Variants in DEUP1 observed in about 807,000 individuals in gnomAD.
The protein encoded by DEUP1 is coiled-coil domain containing 67.
DEUP1 carries 82 observed loss-of-function variants against 87.4 expected under a neutral mutation model. That is an observed-to-expected ratio of 0.94 (90% CI 0.78 to 1.13). The LOEUF (loss-of-function observed/expected upper bound fraction) is 1.13. DEUP1 is among the 50% of genes most tolerant of loss of function. The pLI is 0.00. For synonymous variants in DEUP1, 214 were observed against 222.7 expected (o/e 0.96, Z 0.35); for missense variants, 663 against 681.5 (o/e 0.97, Z 0.30).
chr11:93,434,756 G>C (rs1389968814), intron 13 of DEUP1, among the ~76,000 whole-genome samples: 4 of 152,210 alleles, frequency 2.6e-5, no homozygotes, highest in African/African-American at 7.2e-5. Flanking sequence ...AAGTGATAGA[G>C]AGTGAAGCCA....
chr11:93,399,776 T>C (rs908225687), intron 11 of DEUP1, among the ~76,000 whole-genome samples: 2 of 151,876 alleles, frequency 1.3e-5, no homozygotes, highest in Non-Finnish European at 2.9e-5. Flanking sequence ...TCAACAAAAA[T>C]AGATAGTCTT....
chr11:93,414,622 T>C (rs1947549455), intron 12 of DEUP1, among the ~76,000 whole-genome samples: 1 of 152,238 alleles, frequency 6.6e-6, no homozygotes, highest in East Asian at 1.9e-4. Context: ...AAAAAGAGTA[T>C]CTATTTAGAA....
At chr11:93,394,723 A>G in intron 10 of DEUP1, 67 bp downstream of exon 10, 7 of 1,002,764 alleles carry the variant, frequency 7.0e-6, no homozygotes, top group Non-Finnish European at 1.0e-5. Flanking sequence ...AGTAGCCTTC[A>G]TTATTGACTA....
At chr11:93,347,894 C>T (rs1312926172) in intron 2 of DEUP1, among the ~76,000 whole-genome samples, 1 of 152,076 alleles carries the variant, frequency 6.6e-6, no homozygotes, top group African/African-American at 2.4e-5. Context: ...CGCGTGCCAC[C>T]ACGCCTGGCT....
intron 6 of DEUP1, among the ~76,000 whole-genome samples, chr11:93,370,575 T>A (rs1298539856): frequency 6.6e-6 from 1 of 152,214 alleles, no homozygotes. Flanking sequence ...TCATAAACTT[T>A]GCCCATTTTT....
rs187302756 is a variant in DEUP1 at position 93,374,808 on chromosome 11, G to A, written c.789+3528G>A. Among the ~76,000 whole-genome samples, 137 of 152,124 alleles carry A rather than the reference G, an allele frequency of 9.0e-4. 1 individual carries two copies. Among genetic ancestry groups the A allele is most frequent in the Admixed American group, 2.0e-3 (30 of 15,286 alleles). On this transcript the variant is annotated intron_variant, in intron 7 of 13. Coordinates refer to ENST00000298050, the MANE Select transcript of DEUP1 (RefSeq NM_181645.4). ...ATTCTAAGAATTTTTTTCTAATTCA[G>A]TGAAGAATTATGGTGGTATTTTGAT...
At chr11:93,367,988 T>A (rs1394068264) in intron 5 of DEUP1, among the ~76,000 whole-genome samples, 1 of 152,334 alleles carries the variant, frequency 6.6e-6, no homozygotes, top group Non-Finnish European at 1.5e-5. Flanking sequence ...GACAGAAAGA[T>A]AGGATATAAA....
chr11:93,433,608 G>A (rs1365044468), intron 13 of DEUP1, among the ~76,000 whole-genome samples: 1 of 152,160 alleles, frequency 6.6e-6, no homozygotes, highest in African/African-American at 2.4e-5. Context: ...CTCTTTCTCA[G>A]TAAATGGCAT....
chr11:93,432,510 G>A (rs1345222835), intron 13 of DEUP1, among the ~76,000 whole-genome samples: 1 of 152,218 alleles, frequency 6.6e-6, no homozygotes, highest in African/African-American at 2.4e-5. Flanking sequence ...ACTAGTCCAT[G>A]CAGTAATTTA....
At chr11:93,361,233 C>T (rs1945161651) in intron 4 of DEUP1, among the ~76,000 whole-genome samples, 2 of 152,028 alleles carry the variant, frequency 1.3e-5, no homozygotes, top group African/African-American at 4.8e-5. Flanking sequence ...CGAAGGAAAA[C>T]TAAAAGGATT....
intron 13 of DEUP1, among the ~76,000 whole-genome samples, chr11:93,420,411 C>T (rs1322601700): frequency 6.6e-6 from 1 of 152,178 alleles, no homozygotes; most frequent in African/African-American, 2.4e-5. Flanking sequence ...TGGGACGTAT[C>T]TCAAAATCAT....
chr11:93,339,819 T>A (rs11826816), intron 2 of DEUP1, among the ~76,000 whole-genome samples: 1,864 of 152,238 alleles, frequency 0.012, 33 homozygotes, highest in African/African-American at 0.042. Context: ...GGGCCTGAAC[T>A]GTCACCCCCA....
chr11:93,332,142 T>C (rs1565285070), intron 1 of DEUP1, 74 bp from the exon 2 acceptor site: 1 of 944,896 alleles, frequency 1.1e-6, no homozygotes, highest in Admixed American at 2.5e-5. Context: ...TTTTTGCCAG[T>C]AGCAAAATTT....
Position 93,389,126 on chromosome 11 carries a change from G to T in DEUP1, c.1041+1G>T. On this transcript the variant is annotated splice_donor_variant, in intron 9 of 13. Transcript: ENST00000298050. LOFTEE classifies it high-confidence loss of function. ...AAATCATGAAAAAGAATTGAACAAGGTATGAAAAATAATGAGCTCCATTCT... is the reference window on the plus strand; with the variant it reads ...AAATCATGAAAAAGAATTGAACAAGTTATGAAAAATAATGAGCTCCATTCT... 1.3e-6 allele frequency: 2 copies of T among 1,544,334 alleles called. No homozygotes were observed. Among genetic ancestry groups the T allele is most frequent in the Admixed American group, 1.8e-5 (1 of 55,624 alleles).
At position 93,394,730 on chromosome 11, in the gene DEUP1, AC is replaced by A. The variant is rs913143906; in HGVS notation, c.1239+75del. The A allele has an allele frequency of 1.6e-5, 15 of 913,014 alleles. No homozygotes were observed. In the African/African-American group the frequency reaches 2.5e-4, roughly 15 times the overall value. The allele number at this position is 913,014 out of a possible 1,614,324, so 56.6% of individuals were successfully genotyped here. Reference sequence around the variant, plus strand: ...GTGCCAATAGTAGCCTTCATTATTGACTAATGAAAACATTACATTTCTTGGT... The same window carrying A: ...GTGCCAATAGTAGCCTTCATTATTGATAATGAAAACATTACATTTCTTGGT... On this transcript the variant is annotated intron_variant, in intron 10 of 13. Transcript: ENST00000298050.
intron 7 of DEUP1, among the ~76,000 whole-genome samples, chr11:93,377,778 T>C (rs142487086): frequency 7.2e-4 from 110 of 152,186 alleles, no homozygotes; most frequent in African/African-American, 2.6e-3. Flanking sequence ...AGATTTAGAG[T>C]GCCTTTTAAT....
chr11:93,427,205 T>C (rs902873971), intron 13 of DEUP1, among the ~76,000 whole-genome samples: 8 of 150,304 alleles, frequency 5.3e-5, no homozygotes, highest in East Asian at 2.0e-4. Context: ...GGAGGCATCA[T>C]GCTACCTGAC....
chr11:93,393,094 T>G (rs1946823789), intron 9 of DEUP1, among the ~76,000 whole-genome samples: 1 of 139,970 alleles, frequency 7.1e-6, no homozygotes, highest in African/African-American at 2.7e-5. Context: ...CTTCTTTTTT[T>G]TTTTTTTTTT....
intron 7 of DEUP1, 42 bp from the exon 8 acceptor site, chr11:93,385,356 T>A (rs758646271): frequency 1.6e-5 from 25 of 1,600,160 alleles, no homozygotes; most frequent in Non-Finnish European, 2.0e-5. Flanking sequence ...TACGTTATGA[T>A]AACCAACAAT....
Sources: allele counts gnomAD v4.1 joint callset (sites outside exome capture counted in the v4.1 genomes callset), GRCh38; gene constraint gnomAD v4.1.1; transcripts MANE v1.5; gene names NCBI Gene and HGNC (gene_info 2026-07-23, HGNC 2026-07-21).